The following MTTP variants were observed in gnomAD, a reference collection of about 807,000 sequenced individuals.
MTTP encodes the protein microsomal triglyceride transfer protein large subunit.
In MTTP, 49 loss-of-function variants were observed where a neutral mutation model predicts 90.6. That is an observed-to-expected ratio of 0.54 (90% CI 0.43 to 0.69). The LOEUF is 0.69. Among genes scored for constraint, MTTP ranks in the 30% least tolerant of loss-of-function variants. The pLI is 0.00. For synonymous variants in MTTP, 347 were observed against 384.2 expected (o/e 0.90, Z 1.13); for missense variants, 945 against 1,067.5 (o/e 0.89, Z 1.60).
intron 6 of MTTP, among the ~76,000 whole-genome samples, chr4:99,593,713 TA>T: frequency 6.6e-6 from 1 of 152,206 alleles, no homozygotes; most frequent in Non-Finnish European, 1.5e-5. Flanking sequence ...AATGCCTGAT[TA>T]AAATGCTTGA....
chr4:99,565,514 T>C (rs2110201977), intron 1 of MTTP, among the ~76,000 whole-genome samples: 1 of 152,348 alleles, frequency 6.6e-6, no homozygotes, highest in South Asian at 2.1e-4. Flanking sequence ...AATATTTTCA[T>C]TGATTTGTAA....
chr4:99,601,548 T>C, intron 9 of MTTP, 59 bp from the exon 10 acceptor site: 2 of 1,226,144 alleles, frequency 1.6e-6, no homozygotes, highest in Admixed American at 1.7e-5. Context: ...TAACTAAAAG[T>C]GTTCCTTGGA....
chr4:99,583,358 C>A lies in MTTP; in HGVS notation c.250-16C>A, dbSNP rs1181076531. Reference sequence around the variant, plus strand: ...ATAGGAAGTTTTTTTTAACAGCTTTCTTTCTGTTACTCCAGATGAAGGATG... The same window carrying A: ...ATAGGAAGTTTTTTTTAACAGCTTTATTTCTGTTACTCCAGATGAAGGATG... On this transcript the variant is annotated splice_polypyrimidine_tract_variant and intron_variant, in intron 2 of 17. Coordinates refer to ENST00000265517, the MANE Select transcript of MTTP (RefSeq NM_001386140.1). 17 of 1,612,170 alleles carry A rather than the reference C, an allele frequency of 1.1e-5. No homozygotes were observed. The highest frequency in any genetic ancestry group is 1.4e-5 in the Non-Finnish European group (17 of 1,179,320).
chr4:99,597,259 C>G, intron 8 of MTTP, 35 bp downstream of exon 8: 1 of 1,607,760 alleles, frequency 6.2e-7, no homozygotes, highest in Non-Finnish European at 8.5e-7. Flanking sequence ...GGTTGTCTGT[C>G]AGAAACATTT....
intron 1 of MTTP, among the ~76,000 whole-genome samples, chr4:99,581,642 T>C (rs185911138): frequency 6.6e-6 from 1 of 152,298 alleles, no homozygotes; most frequent in East Asian, 1.9e-4. Context: ...CCAAAATATC[T>C]ATAGTTCAAC....
chr4:99,616,125 G>A (rs1726093734), intron 15 of MTTP, among the ~76,000 whole-genome samples: 1 of 152,202 alleles, frequency 6.6e-6, no homozygotes, highest in Admixed American at 6.5e-5. Flanking sequence ...CAGGTGCAGT[G>A]GCTCACGCCT....
At chr4:99,621,295 G>A in intron 17 of MTTP, 64 bp downstream of exon 17, 2 of 1,550,678 alleles carry the variant, frequency 1.3e-6, no homozygotes, top group Non-Finnish European at 1.8e-6. Context: ...CTTGCATTCA[G>A]TTTAGAACAT....
At chr4:99,574,019 T>A (rs758196979), upstream of MTTP, among the ~76,000 whole-genome samples, 4 of 152,220 alleles carry the variant, frequency 2.6e-5, no homozygotes, top group Non-Finnish European at 4.4e-5. Context: ...GGGTATTTGC[T>A]TTAATTCTAC....
At chr4:99,567,433 C>T (rs189654659) in intron 1 of MTTP, among the ~76,000 whole-genome samples, 1 of 152,254 alleles carries the variant, frequency 6.6e-6, no homozygotes, top group Admixed American at 6.5e-5. Context: ...GACAACAGAT[C>T]ATCTGAAGAC....
At chr4:99,611,119 T>C (rs750255703) in intron 12 of MTTP, 24 bp from the exon 13 acceptor site, 1 of 1,572,440 alleles carries the variant, frequency 6.4e-7, no homozygotes. Flanking sequence ...AATGTGCAGC[T>C]TTTTTTTTCC....
chr4:99,620,664 A>C (rs1726206947), intron 16 of MTTP, among the ~76,000 whole-genome samples: 1 of 152,262 alleles, frequency 6.6e-6, no homozygotes, highest in African/African-American at 2.4e-5. Flanking sequence ...AAAAACTATA[A>C]GCATCGATTG....
At chr4:99,619,423 T>G (rs940370381) in intron 16 of MTTP, among the ~76,000 whole-genome samples, 3 of 152,162 alleles carry the variant, frequency 2.0e-5, no homozygotes, top group African/African-American at 7.2e-5. Flanking sequence ...TAAACTTTCC[T>G]CTTTTGTTGT....
At chr4:99,599,485 G>A (rs79505126) in intron 8 of MTTP, among the ~76,000 whole-genome samples, 4,795 of 152,186 alleles carry the variant, frequency 0.032, 105 homozygotes, top group Non-Finnish European at 0.037. Context: ...ATGTACAGGG[G>A]AATATTAATA....
chr4:99,589,980 T>A (rs918464389), intron 4 of MTTP, among the ~76,000 whole-genome samples: 1 of 152,200 alleles, frequency 6.6e-6, no homozygotes, highest in African/African-American at 2.4e-5. Flanking sequence ...TTCGTGGGGA[T>A]CATTCCAGTG....
chr4:99,595,362 A>G (rs1344947910), intron 7 of MTTP: 3 of 179,122 alleles, frequency 1.7e-5, no homozygotes, highest in African/African-American at 7.1e-5. Flanking sequence ...TTCCCCTACA[A>G]TTCCTGTCAG....
chr4:99,599,507 G>T (rs947510777), intron 8 of MTTP, among the ~76,000 whole-genome samples: 1 of 152,174 alleles, frequency 6.6e-6, no homozygotes, highest in Non-Finnish European at 1.5e-5. Flanking sequence ...TAAACTGACA[G>T]AGATGTTCAG....
chr4:99,616,888 G>T (rs1480643713), intron 15 of MTTP, among the ~76,000 whole-genome samples: 1 of 152,186 alleles, frequency 6.6e-6, no homozygotes, highest in African/African-American at 2.4e-5. Context: ...ATGGCACTTG[G>T]TGTATTTTGC....
intron 1 of MTTP, among the ~76,000 whole-genome samples, chr4:99,566,974 A>G (rs919944465): frequency 4.6e-5 from 7 of 152,234 alleles, no homozygotes; most frequent in Admixed American, 3.3e-4. Flanking sequence ...GAAATAGAGT[A>G]ACACTTGTGA....
upstream of MTTP, chr4:99,574,704 C>T (rs986328952): frequency 4.4e-6 from 5 of 1,142,502 alleles, no homozygotes; most frequent in Admixed American, 6.1e-5. Flanking sequence ...AAAACTGCAG[C>T]CCACCTACGT....
Sources: gnomAD v4.1 joint callset for allele counts (sites outside exome capture counted in the v4.1 genomes callset) on GRCh38, gnomAD v4.1.1 for gene constraint, MANE v1.5 for transcripts, NCBI Gene and HGNC (gene_info 2026-07-23, HGNC 2026-07-21) for gene names.